DNAH10: variants seen among roughly 807,000 people sequenced by gnomAD.
The protein encoded by DNAH10 is dynein axonemal heavy chain 10, also known as axonemal beta dynein heavy chain 10.
In DNAH10, 348 loss-of-function variants were observed where a neutral mutation model predicts 506.6. That is an observed-to-expected ratio of 0.69 (90% confidence interval 0.63 to 0.75). The LOEUF is 0.75. DNAH10 is among the 30% of genes least tolerant of loss of function. The pLI is 0.00. For synonymous variants in DNAH10, 2,059 were observed against 2,198.6 expected (o/e 0.94, Z 1.78); for missense variants, 5,179 against 5,787.1 (o/e 0.89, Z 3.41).
chr12:123,888,632 G>A (rs1438794867), intron 52 of DNAH10, among the ~76,000 whole-genome samples: 1 of 152,140 alleles, frequency 6.6e-6, no homozygotes, highest in Non-Finnish European at 1.5e-5. Flanking sequence ...TTGATTTCAG[G>A]CCTCCAGAAC....
At position 123,913,070 on chromosome 12, in the gene DNAH10, CA is replaced by C. The variant is rs771812691; in HGVS notation, c.10135-27del. 1 of 1,583,972 alleles carries C rather than the reference CA, an allele frequency of 6.3e-7. No individual in the cohort carries two copies. Among genetic ancestry groups the C allele is most frequent in the Non-Finnish European group, 8.6e-7 (1 of 1,164,684 alleles). Reference sequence around the variant, plus strand: ...GCGGCCCCACCACGGTCCTTTTCCCCATCTTTTTGCAAATTGTCTTCACTTA... The same window carrying C: ...GCGGCCCCACCACGGTCCTTTTCCCCTCTTTTTGCAAATTGTCTTCACTTA... On this transcript the variant is annotated intron_variant, in intron 59 of 78. Coordinates refer to ENST00000673944, the MANE Select transcript of DNAH10 (RefSeq NM_001372106.1). This position sits in a 1 kb window ranked among gnomAD's most constrained non-coding sequence, Gnocchi z 5.1.
intron 21 of DNAH10, among the ~76,000 whole-genome samples, chr12:123,816,397 T>C (rs906197523): frequency 6.6e-6 from 1 of 152,184 alleles, no homozygotes; most frequent in African/African-American, 2.4e-5. Flanking sequence ...TAATCAGTCA[T>C]GCCTGTATAA....
intron 30 of DNAH10, among the ~76,000 whole-genome samples, chr12:123,842,642 G>C (rs1950812512): frequency 6.6e-6 from 1 of 152,204 alleles, no homozygotes; most frequent in South Asian, 2.1e-4. Flanking sequence ...AGGTACTGAG[G>C]CATATCAAAA....
intron 58 of DNAH10, 55 bp from the exon 59 acceptor site, chr12:123,910,481 A>G (rs1954014249): frequency 6.3e-7 from 1 of 1,589,018 alleles, no homozygotes; most frequent in Non-Finnish European, 8.6e-7. Flanking sequence ...TGTCTATTTT[A>G]TGCTCCCAAG....
chr12:123,917,162 ACTTT>A lies in DNAH10; in HGVS notation c.11003-417_11003-414del, dbSNP rs869195310. ...AAATAGGCTAATTTGATTTGGATGT[ACTTT>A]CTTTTCTTTTTTCTTTTTCTTTTTT... is the stretch of plus-strand genomic sequence containing the variant. On this transcript the variant is annotated intron_variant, in intron 63 of 78. Transcript: ENST00000673944. This position sits in a 1 kb window ranked among gnomAD's most constrained non-coding sequence, Gnocchi z 5.6. 7.5e-6 allele frequency among the ~76,000 whole-genome samples: 1 copy of A among 133,428 alleles called. No homozygotes were observed. Among genetic ancestry groups the A allele is most frequent in the Non-Finnish European group, 1.7e-5 (1 of 59,922 alleles). 87.5% of individuals were successfully genotyped at this position (133,428 alleles called of 152,430 possible). A position where few individuals can be genotyped will look rare whatever the true frequency, so the allele number is the denominator to read the frequency against.
In DNAH10 at chr12:123,853,112, C is replaced by A. The variant is rs1248177731; in HGVS notation, c.6292-94C>A. On this transcript the variant is annotated intron_variant, in intron 35 of 78. Transcript: ENST00000673944. This position sits in a 1 kb window ranked among gnomAD's most constrained non-coding sequence, Gnocchi z 4.7. ...TAGAGCAGCTGCACTGGAACACCTG[C>A]CCCCGTTTTCTTGCATTTGTAGAAT... The A allele has an allele frequency of 3.1e-6, 4 of 1,304,270 alleles. No individual in the cohort carries two copies. The highest frequency in any genetic ancestry group is 4.0e-6 in the Non-Finnish European group (4 of 991,496). The allele number at this position is 1,304,270 out of a possible 1,614,324, so 80.8% of individuals were successfully genotyped here. A position where few individuals can be genotyped will look rare whatever the true frequency, so the allele number is the denominator to read the frequency against.
At chr12:123,924,471 C>A (rs773152499) in intron 67 of DNAH10, 39 bp downstream of exon 67, 1 of 1,600,342 alleles carries the variant, frequency 6.2e-7, no homozygotes, top group South Asian at 1.1e-5. Flanking sequence ...TCCTTCCCCA[C>A]ATGTCAACAA....
intron 45 of DNAH10, among the ~76,000 whole-genome samples, chr12:123,871,851 A>G (rs1952048885): frequency 1.3e-5 from 2 of 152,172 alleles, no homozygotes; most frequent in Admixed American, 1.3e-4. Context: ...ACATGGCTGG[A>G]GGCTGGAGGC....
At chr12:123,930,075 A>G in intron 72 of DNAH10, 1 of 522,440 alleles carries the variant, frequency 1.9e-6, no homozygotes, top group East Asian at 3.1e-5. Context: ...TCAGGCAGTG[A>G]CATCAATTCC....
At chr12:123,906,402 C>T (rs916017446) in intron 57 of DNAH10, among the ~76,000 whole-genome samples, 3 of 151,772 alleles carry the variant, frequency 2.0e-5, no homozygotes, top group African/African-American at 2.4e-5. Context: ...CCACCATGCC[C>T]GGCTAATGTT....
At position 123,870,486 on chromosome 12, in the gene DNAH10, G is replaced by A. The variant is rs1951985552; in HGVS notation, c.7639+1G>A. The A allele has an allele frequency of 6.2e-7, 1 of 1,612,660 alleles. No homozygotes were observed. Among genetic ancestry groups the A allele is most frequent in the South Asian group, 1.1e-5 (1 of 90,748 alleles). ...GAGAGGAAATTCATCAACATCCTGG[G>A]TAAGTCAGAGTCAAATCCTTGTTCC... On this transcript the variant is annotated splice_donor_variant, in intron 44 of 78. Coordinates refer to ENST00000673944, the MANE Select transcript of DNAH10 (RefSeq NM_001372106.1). LOFTEE classifies it high-confidence loss of function.
rs985171124 is a variant in DNAH10 at position 123,801,491 on chromosome 12, G to C, written c.2614+59G>C. ...CTTGGGATGCAAAGTAATTCTTTTAGGTTGTTTTATTTGAATTACCATTTT... is the reference window on the plus strand; with the variant it reads ...CTTGGGATGCAAAGTAATTCTTTTACGTTGTTTTATTTGAATTACCATTTT... On this transcript the variant is annotated intron_variant, in intron 16 of 78. Coordinates refer to ENST00000673944, the MANE Select transcript of DNAH10 (RefSeq NM_001372106.1). 3.8e-6 allele frequency: 6 copies of C among 1,563,710 alleles called. No homozygotes were observed. In the African/African-American group the frequency reaches 6.8e-5, roughly 18 times the overall value.
At chr12:123,935,103 G>A (rs1166413102) in intron 78 of DNAH10, 2 of 602,712 alleles carry the variant, frequency 3.3e-6, no homozygotes, top group East Asian at 2.8e-5. Flanking sequence ...GTGGACAGCA[G>A]ATGTCTTCTG....
chr12:123,828,569 C>T (rs1960223544), intron 25 of DNAH10, among the ~76,000 whole-genome samples: 1 of 152,254 alleles, frequency 6.6e-6, no homozygotes, highest in African/African-American at 2.4e-5. Flanking sequence ...TTTAGCTCCC[C>T]TATCTTAGTG....
Position 123,785,691 on chromosome 12 carries a change from C to A in DNAH10, c.1231-55C>A. On this transcript the variant is annotated intron_variant, in intron 8 of 78. Coordinates refer to ENST00000673944, the MANE Select transcript of DNAH10 (RefSeq NM_001372106.1). This position sits in a 1 kb window ranked among gnomAD's most constrained non-coding sequence, Gnocchi z 4.1. ...CTTGCATGCTTACTGTTTTATGAAA[C>A]TATTTGGACCCCAAGGCTAAGGGCT... The A allele has an allele frequency of 1.7e-5, 22 of 1,257,790 alleles. No individual in the cohort carries two copies. The highest frequency in any genetic ancestry group is 2.1e-5 in the Non-Finnish European group (20 of 931,142). 77.9% of individuals were successfully genotyped at this position (1,257,790 alleles called of 1,614,324 possible). A position where few individuals can be genotyped will look rare whatever the true frequency, so the allele number is the denominator to read the frequency against.
intron 33 of DNAH10, 86 bp downstream of exon 33, chr12:123,848,181 C>A (rs1408995916): frequency 9.8e-6 from 15 of 1,524,386 alleles, no homozygotes; most frequent in East Asian, 2.3e-5. Context: ...TAGTCTTTGA[C>A]ATGGCGACAG....
intron 70 of DNAH10, 51 bp from the exon 71 acceptor site, chr12:123,929,224 A>G (rs1462799329): frequency 6.5e-7 from 1 of 1,537,812 alleles, no homozygotes. Context: ...CACTCTTCCA[A>G]GCTTGTGGGC....
At position 123,913,061 on chromosome 12, in the gene DNAH10, C is replaced by A; in HGVS notation, c.10135-37C>A. The A allele has an allele frequency of 6.4e-6, 10 of 1,571,794 alleles. No homozygotes were observed. The highest frequency in any genetic ancestry group is 8.6e-6 in the Non-Finnish European group (10 of 1,157,892). The stretch of plus-strand genomic sequence containing the variant: ...CATGGGATCGCGGCCCCACCACGGT[C>A]CTTTTCCCCATCTTTTTGCAAATTG... On this transcript the variant is annotated intron_variant, in intron 59 of 78. Transcript: ENST00000673944. This position sits in a 1 kb window ranked among gnomAD's most constrained non-coding sequence, Gnocchi z 5.1.
chr12:123,917,257 T>C lies in DNAH10; in HGVS notation c.11003-327T>C, dbSNP rs932271592. On this transcript the variant is annotated intron_variant, in intron 63 of 78. Transcript: ENST00000673944. This position sits in a 1 kb window ranked among gnomAD's most constrained non-coding sequence, Gnocchi z 5.6. ...TCTGGGCTCAAGTGATCCTCCTGCC[T>C]CTGCCTCCCAAAGTGCTGGGATTAC... Among the ~76,000 whole-genome samples the C allele has an allele frequency of 6.6e-6, 1 of 152,214 alleles. No individual in the cohort carries two copies. The highest frequency in any genetic ancestry group is 1.5e-5 in the Non-Finnish European group (1 of 68,038).
Sources: allele counts gnomAD v4.1 joint callset (sites outside exome capture counted in the v4.1 genomes callset), GRCh38; gene constraint gnomAD v4.1.1; non-coding constraint Gnocchi (gnomAD v3.1); transcripts MANE v1.5; gene names NCBI Gene and HGNC (gene_info 2026-07-23, HGNC 2026-07-21).